The following FSHR variants were observed in gnomAD, a reference collection of about 807,000 sequenced individuals.
FSHR encodes follicle stimulating hormone receptor, also known as follicle-stimulating hormone receptor.
FSHR carries 46 observed loss-of-function variants against 52.1 expected under a neutral mutation model. That is an observed-to-expected ratio of 0.88 (90% confidence interval 0.70 to 1.13). The LOEUF (loss-of-function observed/expected upper bound fraction) is 1.13. Ranked by LOEUF, FSHR falls within the 50% of genes most tolerant of loss-of-function variation. The pLI is 0.00. For synonymous variants in FSHR, 399 were observed against 309.6 expected, an observed-to-expected ratio of 1.29 and a Z score of -3.03; for missense variants, 964 against 834.6, an observed-to-expected ratio of 1.16 and a Z score of -1.91.
At position 49,016,892 on chromosome 2, in the gene FSHR, G is replaced by A. The variant is rs554691341; in HGVS notation, c.374+597C>T. ...AACTCCAGCGACCAAATTCTTAACT[G>A]TTATTTTGTGGGGTCCCATTATAAC... On this transcript the variant is annotated intron_variant, in intron 4 of 9. Coordinates refer to ENST00000406846, the MANE Select transcript of FSHR (RefSeq NM_000145.4). Among the ~76,000 whole-genome samples the A allele has an allele frequency of 6.6e-4, 101 of 152,276 alleles. 1 individual carries two copies. Among genetic ancestry groups the A allele is most frequent in the Middle Eastern group, 6.8e-3 (2 of 294 alleles).
chr2:48,982,267 T>C (rs1474601842), intron 8 of FSHR, among the ~76,000 whole-genome samples: 1 of 151,858 alleles, frequency 6.6e-6, no homozygotes, highest in Non-Finnish European at 1.5e-5. Context: ...GAAGAGAAGA[T>C]GGGAAAGTCA....
At chr2:49,127,408 A>G (rs928111406) in intron 1 of FSHR, among the ~76,000 whole-genome samples, 3 of 152,108 alleles carry the variant, frequency 2.0e-5, no homozygotes, top group African/African-American at 7.2e-5. Flanking sequence ...AAAAGAGTAG[A>G]TGAGAAGTAG....
At chr2:48,983,572 A>G (rs1675355956) in intron 6 of FSHR, among the ~76,000 whole-genome samples, 1 of 152,200 alleles carries the variant, frequency 6.6e-6, no homozygotes, top group Non-Finnish European at 1.5e-5. Flanking sequence ...AGACAGAGAA[A>G]GAACATTTTG....
intron 2 of FSHR, among the ~76,000 whole-genome samples, chr2:49,022,288 A>AAAC (rs948439832): frequency 1.1e-4 from 17 of 151,856 alleles, no homozygotes; most frequent in Non-Finnish European, 2.2e-4. Context: ...TTATTAGAAC[A>AAAC]AAGTAAAGAA....
intron 1 of FSHR, among the ~76,000 whole-genome samples, chr2:49,124,925 CT>C (rs1671946529): frequency 6.6e-6 from 1 of 152,226 alleles, no homozygotes; most frequent in African/African-American, 2.4e-5. Context: ...CTGTTACTCT[CT>C]GACCTTATCT....
At position 49,069,028 on chromosome 2, in the gene FSHR, C is replaced by T. The variant is rs887411049; in HGVS notation, c.153-738G>A. On this transcript the variant is annotated intron_variant, in intron 1 of 9. Transcript: ENST00000406846. ...AAAGTCTTCTCTTAACCTCAGCTGA[C>T]TTCAGCTTTTGCCGTTTTCTTCTGC... Among the ~76,000 whole-genome samples the T allele has an allele frequency of 2.0e-5, 3 of 152,208 alleles. No individual in the cohort carries two copies. The East Asian group carries it at 5.8e-4, about 29-fold the overall frequency.
intron 1 of FSHR, among the ~76,000 whole-genome samples, chr2:49,121,223 T>A (rs1020347213): frequency 6.6e-6 from 1 of 152,196 alleles, no homozygotes; most frequent in Non-Finnish European, 1.5e-5. Flanking sequence ...GGCTTCAAAG[T>A]TTGACAACTT....
intron 4 of FSHR, among the ~76,000 whole-genome samples, chr2:49,006,650 G>A (rs1017004614): frequency 6.6e-6 from 1 of 152,034 alleles, no homozygotes; most frequent in Non-Finnish European, 1.5e-5. Flanking sequence ...TCCCTGACTA[G>A]TCTGGCCTGA....
chr2:49,069,937 G>T (rs1274970250), intron 1 of FSHR, among the ~76,000 whole-genome samples: 1 of 152,148 alleles, frequency 6.6e-6, no homozygotes, highest in Non-Finnish European at 1.5e-5. Flanking sequence ...ATATATTGGT[G>T]TTAGTGAAAT....
At chr2:49,106,108 A>T (rs1459719079) in intron 1 of FSHR, among the ~76,000 whole-genome samples, 1 of 152,192 alleles carries the variant, frequency 6.6e-6, no homozygotes. Context: ...TTCAAGTGCA[A>T]TGTCAGGAGT....
chr2:49,147,646 A>G (rs1672916179), intron 1 of FSHR, among the ~76,000 whole-genome samples: 2 of 151,946 alleles, frequency 1.3e-5, no homozygotes, highest in African/African-American at 2.4e-5. Flanking sequence ...TTCATCTTCT[A>G]CTTTAAAGGA....
At chr2:49,130,248 C>T (rs1672215059) in intron 1 of FSHR, among the ~76,000 whole-genome samples, 2 of 152,178 alleles carry the variant, frequency 1.3e-5, no homozygotes, top group South Asian at 2.1e-4. Context: ...GCCTGACACA[C>T]AGTACATACT....
intron 1 of FSHR, among the ~76,000 whole-genome samples, chr2:49,115,851 G>A (rs1468248802): frequency 2.6e-5 from 4 of 152,140 alleles, no homozygotes; most frequent in African/African-American, 4.8e-5. Context: ...CAATCTAGGG[G>A]CAAGAGGGAA....
intron 1 of FSHR, among the ~76,000 whole-genome samples, chr2:49,141,075 A>T (rs1672668190): frequency 6.6e-6 from 1 of 152,196 alleles, no homozygotes; most frequent in Admixed American, 6.5e-5. Context: ...AGATAGGCAT[A>T]CATATTGCTC....
chr2:48,989,781 C>T (rs557029655), intron 5 of FSHR, among the ~76,000 whole-genome samples: 3 of 152,134 alleles, frequency 2.0e-5, no homozygotes, highest in African/African-American at 4.8e-5. Flanking sequence ...TTTTCTTTTC[C>T]TGAATGAAAG....
At chr2:48,988,575 AG>A (rs1675621926) in intron 6 of FSHR, among the ~76,000 whole-genome samples, 1 of 152,250 alleles carries the variant, frequency 6.6e-6, no homozygotes, top group Admixed American at 6.5e-5. Context: ...GGGCCTGAAC[AG>A]GAACTGCTTG....
chr2:49,100,897 G>C (rs775979398), intron 1 of FSHR, among the ~76,000 whole-genome samples: 1 of 152,278 alleles, frequency 6.6e-6, no homozygotes, highest in East Asian at 1.9e-4. Context: ...GAAGGAGATT[G>C]AGAAAGAATG....
rs74649678 is a variant in FSHR, at chr2:48,970,816, G to A, written c.669-1933C>T. The stretch of plus-strand genomic sequence containing the variant: ...TCCATCTCAGCAAATGACTCTTCCA[G>A]TTTCCCCTGTTTTTCATAATGGAAA... On this transcript the variant is annotated intron_variant, in intron 8 of 9. Coordinates refer to ENST00000406846, the MANE Select transcript of FSHR (RefSeq NM_000145.4). Among the ~76,000 whole-genome samples the A allele has an allele frequency of 3.1e-3, 475 of 152,208 alleles. 6 individuals are homozygous for A. The highest frequency in any genetic ancestry group is 0.011 in the African/African-American group (460 of 41,534).
rs369068056 is a variant in FSHR, at chr2:48,985,466, C to T, written c.525-2300G>A. ...CTGAATTAGGACATTATTCTCCTGG[C>T]TGGCCATAGCTAGGTGCTTTCCCCA... On this transcript the variant is annotated intron_variant, in intron 6 of 9. Coordinates refer to ENST00000406846, the MANE Select transcript of FSHR (RefSeq NM_000145.4). Among the ~76,000 whole-genome samples the T allele has an allele frequency of 2.6e-5, 4 of 152,248 alleles. No homozygotes were observed. The East Asian group carries it at 7.7e-4, about 29-fold the overall frequency.
Sources: allele counts gnomAD v4.1 joint callset (sites outside exome capture counted in the v4.1 genomes callset), GRCh38; gene constraint gnomAD v4.1.1; transcripts MANE v1.5; gene names NCBI Gene and HGNC (gene_info 2026-07-23, HGNC 2026-07-21).